Variants in ARHGAP26 observed in about 807,000 individuals in gnomAD.
ARHGAP26 encodes Rho GTPase activating protein 26.
Under a neutral mutation model 104.8 loss-of-function variants are expected in ARHGAP26, and 38 were observed. That is an observed-to-expected ratio of 0.36 (90% CI 0.28 to 0.48). The LOEUF (loss-of-function observed/expected upper bound fraction) is 0.48. ARHGAP26 is among the 20% of genes least tolerant of loss of function. ARHGAP26 has a pLI of 0.99. For missense variants in ARHGAP26, 704 were observed against 947.9 expected (o/e 0.74, Z 3.38); for synonymous variants, 341 against 340.0 (o/e 1.00, Z -0.03).
intron 17 of ARHGAP26, among the ~76,000 whole-genome samples, chr5:143,065,082 G>C (rs568352139): frequency 1.4e-4 from 21 of 152,122 alleles, no homozygotes; most frequent in Non-Finnish European, 2.2e-4. Context: ...AGGAGTGGGA[G>C]GAAGACACTC....
At chr5:142,788,148 G>A (rs748897596) in intron 1 of ARHGAP26, among the ~76,000 whole-genome samples, 27 of 151,928 alleles carry the variant, frequency 1.8e-4, no homozygotes, top group Admixed American at 8.5e-4. Flanking sequence ...TTACAGGCAC[G>A]TGCCACCATG....
chr5:142,866,042 T>C (rs202086461), intron 1 of ARHGAP26, among the ~76,000 whole-genome samples: 1 of 123,354 alleles, frequency 8.1e-6, no homozygotes, highest in Non-Finnish European at 1.7e-5. Context: ...TTTCTTTTTT[T>C]TTTTTTGGAA....
At chr5:143,067,582 A>G (rs183315827) in intron 17 of ARHGAP26, among the ~76,000 whole-genome samples, 1 of 152,276 alleles carries the variant, frequency 6.6e-6, no homozygotes. Context: ...TTCTTCCAGC[A>G]GTTTAGCATC....
intron 1 of ARHGAP26, among the ~76,000 whole-genome samples, chr5:142,844,094 C>T (rs1771393121): frequency 6.7e-6 from 1 of 148,706 alleles, no homozygotes; most frequent in South Asian, 2.1e-4. Context: ...CTCTATTCCC[C>T]AGGCTAGAGT....
chr5:143,116,086 T>G (rs1209520938), intron 17 of ARHGAP26, among the ~76,000 whole-genome samples: 1 of 152,064 alleles, frequency 6.6e-6, no homozygotes, highest in Non-Finnish European at 1.5e-5. Flanking sequence ...AGTGTGGGGG[T>G]GTGTGCCTGT....
chr5:143,211,077 G>A (rs1809391110), intron 21 of ARHGAP26, among the ~76,000 whole-genome samples: 1 of 152,186 alleles, frequency 6.6e-6, no homozygotes, highest in Non-Finnish European at 1.5e-5. Flanking sequence ...GTTTTGGTAG[G>A]AACCCTACCT....
At chr5:143,139,395 GTAGTCTTC>G (rs1272661411) in intron 19 of ARHGAP26, among the ~76,000 whole-genome samples, 1 of 152,130 alleles carries the variant, frequency 6.6e-6, no homozygotes, top group African/African-American at 2.4e-5. Flanking sequence ...TTGTACCCAG[GTAGTCTTC>G]TAGTCTTCCT....
intron 9 of ARHGAP26, among the ~76,000 whole-genome samples, chr5:142,911,073 T>C (rs1761763365): frequency 6.6e-6 from 1 of 152,100 alleles, no homozygotes; most frequent in Admixed American, 6.5e-5. Flanking sequence ...AGATCTGGAG[T>C]TGTGAGCAGA....
At chr5:142,906,759 A>G (rs1418845948) in intron 8 of ARHGAP26, among the ~76,000 whole-genome samples, 1 of 152,254 alleles carries the variant, frequency 6.6e-6, no homozygotes, top group Admixed American at 6.5e-5. Flanking sequence ...CCCAGTGGAA[A>G]CATTTACTGT....
At chr5:143,205,870 A>C (rs57919462) in intron 20 of ARHGAP26, among the ~76,000 whole-genome samples, 5 of 152,118 alleles carry the variant, frequency 3.3e-5, no homozygotes, top group African/African-American at 1.2e-4. Context: ...TGGATATTTT[A>C]GACACTGGAT....
chr5:142,776,499 T>C (rs1186821519), intron 1 of ARHGAP26, among the ~76,000 whole-genome samples: 2 of 152,220 alleles, frequency 1.3e-5, no homozygotes, highest in East Asian at 1.9e-4. Flanking sequence ...TCATATAATA[T>C]GTAGTCTTAT....
At chr5:143,146,034 T>A (rs984363760) in intron 19 of ARHGAP26, among the ~76,000 whole-genome samples, 11 of 152,192 alleles carry the variant, frequency 7.2e-5, no homozygotes, top group African/African-American at 2.7e-4. Flanking sequence ...TAGACTGTAC[T>A]CTGAGGGATA....
chr5:142,945,913 A>G (rs1161983342), intron 11 of ARHGAP26, among the ~76,000 whole-genome samples: 7 of 152,150 alleles, frequency 4.6e-5, no homozygotes, highest in African/African-American at 1.7e-4. Context: ...ACATATTGCA[A>G]TTAGTTGTCA....
At chr5:143,135,421 G>A (rs895030643) in intron 19 of ARHGAP26, among the ~76,000 whole-genome samples, 1 of 152,212 alleles carries the variant, frequency 6.6e-6, no homozygotes, top group East Asian at 1.9e-4. Context: ...GTGAGGTACA[G>A]TAAAGGGACA....
chr5:142,922,430 G>A (rs1763326122), intron 10 of ARHGAP26, among the ~76,000 whole-genome samples: 1 of 152,106 alleles, frequency 6.6e-6, no homozygotes, highest in Non-Finnish European at 1.5e-5. Flanking sequence ...GAGTGTGTGT[G>A]TGTGTGTGTG....
chr5:142,785,722 G>T (rs1758439994), intron 1 of ARHGAP26, among the ~76,000 whole-genome samples: 1 of 152,202 alleles, frequency 6.6e-6, no homozygotes, highest in Non-Finnish European at 1.5e-5. Flanking sequence ...ATGTTTGGGG[G>T]TGTCAGTGGT....
chr5:142,826,104 C>A (rs947525332), intron 1 of ARHGAP26, among the ~76,000 whole-genome samples: 1 of 152,166 alleles, frequency 6.6e-6, no homozygotes, highest in African/African-American at 2.4e-5. Context: ...TGTTAATGAC[C>A]AGTCAGACAG....
At chr5:143,214,737 T>C (rs1810058946) in intron 22 of ARHGAP26, among the ~76,000 whole-genome samples, 1 of 152,080 alleles carries the variant, frequency 6.6e-6, no homozygotes, top group Non-Finnish European at 1.5e-5. Context: ...CAGGTACAGG[T>C]AGACAAAAGG....
At chr5:142,938,141 G>A (rs931546255) in intron 11 of ARHGAP26, among the ~76,000 whole-genome samples, 8 of 152,060 alleles carry the variant, frequency 5.3e-5, no homozygotes, top group African/African-American at 1.2e-4. Flanking sequence ...TGGTTTTGAT[G>A]CTATGTTATA....
Sources: allele counts gnomAD v4.1 joint callset (sites outside exome capture counted in the v4.1 genomes callset), GRCh38; gene constraint gnomAD v4.1.1; transcripts MANE v1.5; gene names NCBI Gene and HGNC (gene_info 2026-07-23, HGNC 2026-07-21).